CHRM3: variants seen among roughly 807,000 people sequenced by gnomAD.
CHRM3 encodes the protein cholinergic receptor muscarinic 3.
A neutral mutation model predicts 41.8 loss-of-function variants in CHRM3; 11 were observed. That is an observed-to-expected ratio of 0.26 (90% CI 0.17 to 0.44). The LOEUF (loss-of-function observed/expected upper bound fraction) is 0.44. Ranked by LOEUF, CHRM3 falls within the 20% of genes least tolerant of loss-of-function variation. CHRM3 has a pLI of 1.00. For missense variants in CHRM3, 571 were observed against 745.4 expected, an observed-to-expected ratio of 0.77 and a Z score of 2.72; for synonymous variants, 297 against 301.4, an observed-to-expected ratio of 0.99 and a Z score of 0.15.
chr1:239,775,473 G>C (rs1451666955), intron 5 of CHRM3, among the ~76,000 whole-genome samples: 4 of 152,132 alleles, frequency 2.6e-5, no homozygotes, highest in Non-Finnish European at 4.4e-5. Context: ...TATATGAATA[G>C]AGACATACTC....
At chr1:239,761,852 T>C (rs965093908) in intron 5 of CHRM3, among the ~76,000 whole-genome samples, 13 of 152,196 alleles carry the variant, frequency 8.5e-5, no homozygotes, top group Non-Finnish European at 1.3e-4. Context: ...GCCACTTTCT[T>C]GTCTTTGGTA....
chr1:239,656,310 G>T (rs1672709577), intron 4 of CHRM3, among the ~76,000 whole-genome samples: 1 of 142,172 alleles, frequency 7.0e-6, no homozygotes, highest in Non-Finnish European at 1.5e-5. Flanking sequence ...ATCTAAAATT[G>T]TTTAATAAAA....
chr1:239,419,567 T>C (rs1661772940), intron 1 of CHRM3, among the ~76,000 whole-genome samples: 1 of 152,200 alleles, frequency 6.6e-6, no homozygotes, highest in Non-Finnish European at 1.5e-5. Flanking sequence ...CTTTAGTTCA[T>C]CTTCCTGTTA....
intron 1 of CHRM3, among the ~76,000 whole-genome samples, chr1:239,458,373 A>G (rs1343329617): frequency 6.6e-6 from 1 of 152,162 alleles, no homozygotes; most frequent in Non-Finnish European, 1.5e-5. Context: ...TGTTTCGGGA[A>G]GTGGTGGGTG....
At chr1:239,721,712 G>A (rs1662986161) in intron 5 of CHRM3, among the ~76,000 whole-genome samples, 1 of 151,778 alleles carries the variant, frequency 6.6e-6, no homozygotes, top group Non-Finnish European at 1.5e-5. Context: ...ATAGCCAATA[G>A]GTATTATCTT....
intron 1 of CHRM3, among the ~76,000 whole-genome samples, chr1:239,456,224 A>G (rs1461462712): frequency 6.6e-6 from 1 of 152,208 alleles, no homozygotes; most frequent in Non-Finnish European, 1.5e-5. Context: ...TTCAAAAACA[A>G]CTGTCTGTGA....
At chr1:239,397,394 C>T (rs951211363) in intron 1 of CHRM3, among the ~76,000 whole-genome samples, 1 of 151,880 alleles carries the variant, frequency 6.6e-6, no homozygotes, top group Non-Finnish European at 1.5e-5. Flanking sequence ...ATGTTGTGGC[C>T]GGGTGTGGTG....
chr1:239,808,000 A>C (rs144969994), intron 5 of CHRM3, among the ~76,000 whole-genome samples: 1 of 152,316 alleles, frequency 6.6e-6, no homozygotes, highest in Admixed American at 6.5e-5. Flanking sequence ...AATATTCATT[A>C]GTTATATAAA....
At chr1:239,804,530 A>T (rs530497741) in intron 5 of CHRM3, among the ~76,000 whole-genome samples, 21 of 152,292 alleles carry the variant, frequency 1.4e-4, no homozygotes, top group African/African-American at 5.1e-4. Flanking sequence ...GTTGCCAGTG[A>T]CGTCTTCACT....
chr1:239,867,785 C>T (rs1676242695), intron 6 of CHRM3, among the ~76,000 whole-genome samples: 2 of 152,020 alleles, frequency 1.3e-5, no homozygotes, highest in Admixed American at 1.3e-4. Flanking sequence ...TGGCTATAAC[C>T]ATTTCTGTTG....
intron 3 of CHRM3, among the ~76,000 whole-genome samples, chr1:239,574,413 G>C (rs1201483818): frequency 6.6e-6 from 1 of 151,760 alleles, no homozygotes; most frequent in Admixed American, 6.6e-5. Context: ...TTCCACCCTG[G>C]GGCCCTTTGT....
Position 239,434,439 on chromosome 1 carries a change from A to G in CHRM3, c.-521+47212A>G, listed in dbSNP as rs143057790. The stretch of plus-strand genomic sequence containing the variant: ...TTCCCAAGACTCTCTCTCTATCTAT[A>G]TAATAGCAGTGTTGCTGTGCTGCCC... On this transcript the variant is annotated intron_variant, in intron 1 of 6. Transcript: ENST00000676153. 1.9e-3 allele frequency among the ~76,000 whole-genome samples: 288 copies of G among 152,296 alleles called. 1 individual carries two copies. The highest frequency in any genetic ancestry group is 6.4e-3 in the African/African-American group (265 of 41,560).
intron 1 of CHRM3, among the ~76,000 whole-genome samples, chr1:239,450,981 G>A (rs913013212): frequency 3.9e-5 from 6 of 152,176 alleles, no homozygotes; most frequent in African/African-American, 1.4e-4. Flanking sequence ...CTTGAGCCCA[G>A]GAGTTTAAGG....
At chr1:239,439,809 T>G (rs4486441) in intron 1 of CHRM3, among the ~76,000 whole-genome samples, 87,420 of 151,888 alleles carry the variant, frequency 0.58, 25,538 homozygotes, top group African/African-American at 0.64. Context: ...AGCAATAGGT[T>G]ATCATCATGC....
intron 4 of CHRM3, among the ~76,000 whole-genome samples, chr1:239,657,769 T>A (rs763374247): frequency 3.3e-5 from 5 of 152,228 alleles, no homozygotes; most frequent in Admixed American, 6.5e-5. Flanking sequence ...CATTTATAGG[T>A]GCCCTTTATG....
intron 5 of CHRM3, among the ~76,000 whole-genome samples, chr1:239,741,326 C>T (rs758962717): frequency 1.2e-4 from 19 of 152,122 alleles, no homozygotes; most frequent in Non-Finnish European, 2.2e-4. Flanking sequence ...TCAGATTCTT[C>T]TCTGTGTCCC....
chr1:239,414,180 T>C (rs1661322388), intron 1 of CHRM3, among the ~76,000 whole-genome samples: 1 of 152,214 alleles, frequency 6.6e-6, no homozygotes, highest in African/African-American at 2.4e-5. Context: ...GCCTTGTAAG[T>C]GTTCTGCTTT....
At chr1:239,398,085 A>G (rs1286217940) in intron 1 of CHRM3, among the ~76,000 whole-genome samples, 1 of 152,170 alleles carries the variant, frequency 6.6e-6, no homozygotes, top group Non-Finnish European at 1.5e-5. Context: ...GAGGGAGGAC[A>G]GGAGTATGTT....
chr1:239,585,052 A>AT (rs1553333685), intron 3 of CHRM3, among the ~76,000 whole-genome samples: 1 of 144,802 alleles, frequency 6.9e-6, no homozygotes, highest in Non-Finnish European at 1.5e-5. Context: ...GCAACAATTA[A>AT]ATATATATAT....
Sources: allele counts gnomAD v4.1 joint callset (sites outside exome capture counted in the v4.1 genomes callset), GRCh38; gene constraint gnomAD v4.1.1; transcripts MANE v1.5; gene names NCBI Gene and HGNC (gene_info 2026-07-23, HGNC 2026-07-21).